The following CADPS2 variants were observed in gnomAD, a reference collection of about 807,000 sequenced individuals.
The protein encoded by CADPS2 is calcium-dependent secretion activator 2.
CADPS2 carries 93 observed loss-of-function variants against 172.5 expected under a neutral mutation model. The ratio of observed to expected loss-of-function variants is 0.54; its 90% CI spans 0.46 to 0.64. The LOEUF is 0.64. CADPS2 is among the 30% of genes least tolerant of loss of function. The pLI, the probability that CADPS2 is intolerant of heterozygous loss-of-function variation, is 0.00. For synonymous variants in CADPS2, 546 were observed against 555.2 expected (o/e 0.98, Z 0.23); for missense variants, 1,420 against 1,565.9 (o/e 0.91, Z 1.57).
intron 2 of CADPS2, chr7:122,702,354 G>C: frequency 2.5e-6 from 4 of 1,613,802 alleles, no homozygotes; most frequent in Non-Finnish European, 3.4e-6. Context: ...CCCGTACCTT[G>C]ATAGTTGTAG....
intron 3 of CADPS2, among the ~76,000 whole-genome samples, chr7:122,655,796 G>A (rs933428374): frequency 1.3e-5 from 2 of 151,924 alleles, no homozygotes; most frequent in Non-Finnish European, 2.9e-5. Context: ...TATTTACAGG[G>A]GTACTCTTTA....
intron 27 of CADPS2, among the ~76,000 whole-genome samples, chr7:122,355,671 CTCA>C (rs2151082294): frequency 6.6e-6 from 1 of 151,666 alleles, no homozygotes; most frequent in East Asian, 1.9e-4. Flanking sequence ...TCTTTATCTT[CTCA>C]TCATCTTCCA....
At chr7:122,664,316 C>A (rs1302186915) in intron 2 of CADPS2, among the ~76,000 whole-genome samples, 2 of 152,086 alleles carry the variant, frequency 1.3e-5, no homozygotes, top group Non-Finnish European at 2.9e-5. Context: ...CTGATTTTAC[C>A]ACCTCTGCAA....
chr7:122,678,287 C>A (rs1392938010), intron 2 of CADPS2, among the ~76,000 whole-genome samples: 1 of 152,154 alleles, frequency 6.6e-6, no homozygotes, highest in Non-Finnish European at 1.5e-5. Context: ...TTTTGTAATA[C>A]AATGTTATTA....
At chr7:122,433,023 G>T (rs987799893) in intron 17 of CADPS2, among the ~76,000 whole-genome samples, 1 of 151,998 alleles carries the variant, frequency 6.6e-6, no homozygotes, top group African/African-American at 2.4e-5. Flanking sequence ...ACCCACGCTG[G>T]ATTGCAGTGG....
chr7:122,749,829 C>G (rs1442139399), intron 1 of CADPS2, among the ~76,000 whole-genome samples: 1 of 151,734 alleles, frequency 6.6e-6, no homozygotes, highest in Non-Finnish European at 1.5e-5. Context: ...ATTAAAAAAA[C>G]TGGATATCTA....
intron 15 of CADPS2, 98 bp from the exon 16 acceptor site, chr7:122,441,673 T>C (rs1415117520): frequency 5.7e-6 from 4 of 697,920 alleles, no homozygotes; most frequent in African/African-American, 5.5e-5. Flanking sequence ...TGAAGAACCA[T>C]GAAACAAACA....
In CADPS2 at chr7:122,886,346, G is replaced by A. The variant is rs764559337; in HGVS notation, c.-9C>T. 1 of 1,492,022 alleles carries A rather than the reference G, an allele frequency of 6.7e-7. No individual in the cohort carries two copies. The highest frequency in any genetic ancestry group is 2.2e-5 in the Admixed American group (1 of 44,448). 92.4% of individuals were successfully genotyped at this position (1,492,022 alleles called of 1,614,324 possible). On this transcript the variant is annotated 5_prime_UTR_variant, in exon 1 of 30. Coordinates refer to ENST00000449022, the MANE Select transcript of CADPS2 (RefSeq NM_017954.11). Reference sequence around the variant, plus strand: ...GAAGACGGGTCCAGCATGGTGCTCGGGGATCCCCGCCGCTCGGCCCGCGGT... The same window carrying A: ...GAAGACGGGTCCAGCATGGTGCTCGAGGATCCCCGCCGCTCGGCCCGCGGT...
intron 7 of CADPS2, among the ~76,000 whole-genome samples, chr7:122,555,163 A>G (rs1453561716): frequency 4.6e-5 from 7 of 152,150 alleles, no homozygotes; most frequent in Non-Finnish European, 1.0e-4. Context: ...AAATCAACTC[A>G]ATTAGAGATG....
intron 3 of CADPS2, among the ~76,000 whole-genome samples, chr7:122,650,723 T>C (rs919102503): frequency 6.6e-6 from 1 of 152,156 alleles, no homozygotes. Flanking sequence ...GGAGCAACAC[T>C]AATAAAGCCT....
intron 25 of CADPS2, among the ~76,000 whole-genome samples, chr7:122,362,661 G>A (rs1056422937): frequency 6.6e-6 from 1 of 152,076 alleles, no homozygotes; most frequent in Non-Finnish European, 1.5e-5. Flanking sequence ...GATTCCCAAA[G>A]GGAAAATGCT....
At chr7:122,491,163 T>A in intron 10 of CADPS2, 149 bp downstream of exon 10, 1 of 434,746 alleles carries the variant, frequency 2.3e-6, no homozygotes. Context: ...AAGAGATAAT[T>A]TGAATCTCAT....
intron 20 of CADPS2, among the ~76,000 whole-genome samples, chr7:122,404,930 C>G (rs2046453410): frequency 6.6e-6 from 1 of 151,542 alleles, no homozygotes; most frequent in African/African-American, 2.4e-5. Flanking sequence ...TCGAGACCAT[C>G]CCTGGCTAGC....
At chr7:122,657,184 C>T (rs1190066765) in intron 3 of CADPS2, among the ~76,000 whole-genome samples, 1 of 152,122 alleles carries the variant, frequency 6.6e-6, no homozygotes, top group Non-Finnish European at 1.5e-5. Flanking sequence ...GTTTTGGTAC[C>T]AGTACCATGC....
intron 9 of CADPS2, among the ~76,000 whole-genome samples, chr7:122,504,376 G>C (rs913372466): frequency 6.6e-6 from 1 of 150,994 alleles, no homozygotes; most frequent in Non-Finnish European, 1.5e-5. Flanking sequence ...TTCATGTTGG[G>C]TACAGGACAC....
At chr7:122,398,388 T>C (rs759069081) in intron 20 of CADPS2, among the ~76,000 whole-genome samples, 7 of 152,128 alleles carry the variant, frequency 4.6e-5, no homozygotes, top group Non-Finnish European at 1.0e-4. Flanking sequence ...CTCTTCCAAT[T>C]AGCTAGCTTT....
At chr7:122,709,180 T>C (rs1214249153) in intron 2 of CADPS2, among the ~76,000 whole-genome samples, 1 of 152,094 alleles carries the variant, frequency 6.6e-6, no homozygotes, top group Non-Finnish European at 1.5e-5. Context: ...AGGCTGCTTC[T>C]GGGACTCCAT....
intron 1 of CADPS2, among the ~76,000 whole-genome samples, chr7:122,850,769 T>C (rs1411222772): frequency 6.6e-6 from 1 of 152,202 alleles, no homozygotes; most frequent in Non-Finnish European, 1.5e-5. Context: ...GTGTCTTCCA[T>C]CATGGATTCA....
At chr7:122,863,887 G>T (rs943660465) in intron 1 of CADPS2, among the ~76,000 whole-genome samples, 81 of 152,262 alleles carry the variant, frequency 5.3e-4, no homozygotes, top group African/African-American at 1.9e-3. Flanking sequence ...AAAATTAGCT[G>T]GGCGTAGTGG....
Sources: allele counts gnomAD v4.1 joint callset (sites outside exome capture counted in the v4.1 genomes callset), GRCh38; gene constraint gnomAD v4.1.1; transcripts MANE v1.5; gene names NCBI Gene and HGNC (gene_info 2026-07-23, HGNC 2026-07-21).